Variants in TRPM3 observed in about 807,000 individuals in gnomAD.
TRPM3 encodes long transient receptor potential channel 3.
A neutral mutation model predicts 181.2 loss-of-function variants in TRPM3; 77 were observed. The ratio of observed to expected loss-of-function variants is 0.42; its 90% CI spans 0.35 to 0.51. TRPM3 has a LOEUF of 0.51. Among genes scored for constraint, TRPM3 ranks in the 20% least tolerant of loss-of-function variants. The pLI is 0.01. For synonymous variants in TRPM3, 745 were observed against 796.4 expected (o/e 0.94, Z 1.09); for missense variants, 1,759 against 2,196.7 (o/e 0.80, Z 3.98).
intron 1 of TRPM3, chr9:70,917,530 G>A: frequency 1.5e-6 from 1 of 656,320 alleles, no homozygotes; most frequent in African/African-American, 2.4e-5. Context: ...CGGGCACGCA[G>A]CTTTGTTTTC....
At chr9:71,400,756 T>C (rs1463761279) in intron 1 of TRPM3, among the ~76,000 whole-genome samples, 3 of 152,094 alleles carry the variant, frequency 2.0e-5, no homozygotes, top group Non-Finnish European at 2.9e-5. Flanking sequence ...TTTGGTTCTA[T>C]TTTTAAGTGT....
At chr9:71,055,536 C>T (rs1405470715) in intron 1 of TRPM3, among the ~76,000 whole-genome samples, 1 of 152,022 alleles carries the variant, frequency 6.6e-6, no homozygotes, top group Admixed American at 6.6e-5. Context: ...AAGTATTCAA[C>T]ACACATCATG....
intron 9 of TRPM3, among the ~76,000 whole-genome samples, chr9:70,641,498 T>C (rs1204458037): frequency 1.3e-5 from 2 of 152,180 alleles, no homozygotes; most frequent in East Asian, 1.9e-4. Flanking sequence ...TAGGTTTACT[T>C]TGATTTGTGG....
chr9:71,249,703 T>C (rs2082231041), intron 1 of TRPM3, among the ~76,000 whole-genome samples: 1 of 152,144 alleles, frequency 6.6e-6, no homozygotes, highest in Non-Finnish European at 1.5e-5. Flanking sequence ...TCACAACAAA[T>C]ATTTTTCAAA....
At chr9:70,662,978 T>C (rs1342421710) in intron 9 of TRPM3, among the ~76,000 whole-genome samples, 1 of 152,082 alleles carries the variant, frequency 6.6e-6, no homozygotes, top group Admixed American at 6.6e-5. Flanking sequence ...GGCAAAGATA[T>C]GGAAGCAACA....
intron 1 of TRPM3, among the ~76,000 whole-genome samples, chr9:71,187,456 GCGAAGGATATGCTCTCTTCGTCTCTTA>G: frequency 6.6e-6 from 1 of 151,908 alleles, no homozygotes; most frequent in Admixed American, 6.6e-5. Flanking sequence ...TGAGAGAATA[GCGAAGGATATGCTCTCTTCGTCTCTTA>G]CCCAGGCAGA....
intron 1 of TRPM3, among the ~76,000 whole-genome samples, chr9:71,025,557 T>C (rs1228268353): frequency 6.6e-6 from 1 of 152,260 alleles, no homozygotes; most frequent in Non-Finnish European, 1.5e-5. Flanking sequence ...ACATTTCTTA[T>C]TAATAAAGAC....
At chr9:71,286,963 A>ATATATAATTATATTATATAATATTATAT (rs1565424434) in intron 1 of TRPM3, among the ~76,000 whole-genome samples, 1 of 138,190 alleles carries the variant, frequency 7.2e-6, no homozygotes, top group African/African-American at 2.7e-5. Flanking sequence ...TATATAAATT[A>ATATATAATTATATTATATAATATTATAT]TATATAATAT....
At chr9:71,061,548 A>C (rs2133354284) in intron 1 of TRPM3, among the ~76,000 whole-genome samples, 1 of 152,258 alleles carries the variant, frequency 6.6e-6, no homozygotes, top group South Asian at 2.1e-4. Context: ...TGTGATAAAC[A>C]CATGCATTCC....
intron 9 of TRPM3, among the ~76,000 whole-genome samples, chr9:70,674,572 T>G (rs10868868): frequency 0.64 from 96,274 of 149,632 alleles, 31,203 homozygotes; most frequent in African/African-American, 0.72. Flanking sequence ...AATTTTTTTT[T>G]TGAGAGAGAT....
intron 1 of TRPM3, among the ~76,000 whole-genome samples, chr9:71,318,416 A>G (rs1366405196): frequency 2.0e-5 from 3 of 152,190 alleles, no homozygotes; most frequent in Non-Finnish European, 4.4e-5. Flanking sequence ...GCACATAATT[A>G]AAAAACAACA....
intron 1 of TRPM3, among the ~76,000 whole-genome samples, chr9:71,134,261 A>C (rs1461134827): frequency 1.3e-5 from 2 of 152,098 alleles, no homozygotes; most frequent in African/African-American, 4.8e-5. Context: ...TCATATTTCC[A>C]AATATTCTTA....
intron 1 of TRPM3, among the ~76,000 whole-genome samples, chr9:71,422,085 C>T (rs1166829374): frequency 6.6e-6 from 1 of 151,918 alleles, no homozygotes; most frequent in African/African-American, 2.4e-5. Flanking sequence ...ATGAAATATA[C>T]ATGTTAATAA....
chr9:71,138,978 A>G (rs1266186298), intron 1 of TRPM3, among the ~76,000 whole-genome samples: 2 of 152,166 alleles, frequency 1.3e-5, no homozygotes, highest in African/African-American at 4.8e-5. Context: ...TGATTAGTAT[A>G]TTTAAAGGGG....
At chr9:70,542,737 A>G (rs888118557) in intron 25 of TRPM3, among the ~76,000 whole-genome samples, 1 of 152,228 alleles carries the variant, frequency 6.6e-6, no homozygotes, top group Non-Finnish European at 1.5e-5. Context: ...CCTATTCTAA[A>G]TTTCAGACAT....
At chr9:70,879,402 T>C (rs186592446) in intron 1 of TRPM3, among the ~76,000 whole-genome samples, 86 of 152,224 alleles carry the variant, frequency 5.6e-4, no homozygotes, top group African/African-American at 2.0e-3. Flanking sequence ...CCTGTTCTCA[T>C]ACTTTCTACA....
Position 70,840,519 on chromosome 9 carries a change from C to T in TRPM3, c.801+2484G>A, listed in dbSNP as rs148112816. Among the ~76,000 whole-genome samples, 361 of 152,078 alleles carry T rather than the reference C, an allele frequency of 2.4e-3. 1 individual carries two copies. Among genetic ancestry groups the T allele is most frequent in the African/African-American group, 8.4e-3 (347 of 41,468 alleles). ...TCTGCCCTCTGTGCTAGGATCAAGA[C>T]TATGTTCAGTTGGGAAGGCAGACAA... On this transcript the variant is annotated intron_variant, in intron 5 of 25. Coordinates refer to ENST00000677713, the MANE Select transcript of TRPM3 (RefSeq NM_001366145.2).
chr9:70,852,779 C>T lies in TRPM3; in HGVS notation c.463-6188G>A, dbSNP rs1300839932. ...CAATTCTGAGGCTTTCCTCACTTCTCCCTGCATTTGGCCAGCACTGCTCCC... is the reference window on the plus strand; with the variant it reads ...CAATTCTGAGGCTTTCCTCACTTCTTCCTGCATTTGGCCAGCACTGCTCCC... On this transcript the variant is annotated intron_variant, in intron 3 of 25. Coordinates refer to ENST00000677713, the MANE Select transcript of TRPM3 (RefSeq NM_001366145.2). Among the ~76,000 whole-genome samples, 10 of 152,270 alleles carry T rather than the reference C, an allele frequency of 6.6e-5. No homozygotes were observed. The South Asian group carries it at 2.1e-3, about 32-fold the overall frequency.
intron 1 of TRPM3, among the ~76,000 whole-genome samples, chr9:70,925,682 T>C (rs765909654): frequency 7.2e-5 from 11 of 152,032 alleles, no homozygotes; most frequent in Non-Finnish European, 1.3e-4. Context: ...TTTATATATA[T>C]ATGCTGGGGT....
Sources: gnomAD v4.1 joint callset for allele counts (sites outside exome capture counted in the v4.1 genomes callset) on GRCh38, gnomAD v4.1.1 for gene constraint, MANE v1.5 for transcripts, NCBI Gene and HGNC (gene_info 2026-07-23, HGNC 2026-07-21) for gene names.